The following QTMAN variants were observed in gnomAD, a reference collection of about 807,000 sequenced individuals.
The protein encoded by QTMAN is queuosine-tRNA mannosyltransferase.
At chr2:144,324,451 T>TC in the QTMAN span, among the ~76,000 whole-genome samples, 8 of 151,616 alleles carry the variant, frequency 5.3e-5, no homozygotes, top group South Asian at 2.1e-4. Context: ...AAAAGACTAA[T>TC]CCCCCCCATC....
the QTMAN span, among the ~76,000 whole-genome samples, chr2:144,065,536 T>C: frequency 2.0e-5 from 3 of 152,228 alleles, no homozygotes; most frequent in South Asian, 6.2e-4. Context: ...GCATACTCAG[T>C]TGGCTCTCTT....
At chr2:144,008,574 C>T in the QTMAN span, among the ~76,000 whole-genome samples, 4 of 152,018 alleles carry the variant, frequency 2.6e-5, no homozygotes, top group African/African-American at 9.7e-5. Flanking sequence ...CAAGTCCTTT[C>T]TCAGAGTTCC....
the QTMAN span, among the ~76,000 whole-genome samples, chr2:144,289,553 G>A: frequency 1.1e-4 from 17 of 152,316 alleles, no homozygotes; most frequent in East Asian, 3.1e-3. Flanking sequence ...ATTTACTGGT[G>A]TAAGAAGCAT....
At chr2:144,080,544 T>C in the QTMAN span, among the ~76,000 whole-genome samples, 1 of 152,162 alleles carries the variant, frequency 6.6e-6, no homozygotes, top group African/African-American at 2.4e-5. Context: ...TTTATCAGCA[T>C]TGTTATTATG....
chr2:143,947,997 G>A, the QTMAN span, among the ~76,000 whole-genome samples: 1 of 152,072 alleles, frequency 6.6e-6, no homozygotes, highest in Non-Finnish European at 1.5e-5. Flanking sequence ...GCAGTTGAGA[G>A]CTTTTAGAAG....
the QTMAN span, among the ~76,000 whole-genome samples, chr2:144,222,895 G>A: frequency 6.6e-6 from 1 of 152,126 alleles, no homozygotes; most frequent in East Asian, 1.9e-4. Flanking sequence ...GGACTGATTG[G>A]ATAGTCAACT....
At chr2:144,035,739 C>T in the QTMAN span, among the ~76,000 whole-genome samples, 4 of 152,236 alleles carry the variant, frequency 2.6e-5, no homozygotes, top group East Asian at 5.8e-4. Flanking sequence ...TCCATTTCAA[C>T]AGTTTTGAGA....
the QTMAN span, among the ~76,000 whole-genome samples, chr2:144,012,407 G>A: frequency 2.0e-5 from 3 of 152,162 alleles, no homozygotes; most frequent in Admixed American, 6.5e-5. Context: ...ATGCCACTAA[G>A]ATTGATGGTA....
the QTMAN span, among the ~76,000 whole-genome samples, chr2:143,991,464 C>A: frequency 1.4e-5 from 2 of 147,336 alleles, no homozygotes; most frequent in Admixed American, 1.3e-4. Flanking sequence ...GGCCAGCCGC[C>A]CCGTCCGGGA....
chr2:144,325,621 G>C, the QTMAN span, among the ~76,000 whole-genome samples: 2 of 151,934 alleles, frequency 1.3e-5, no homozygotes, highest in Non-Finnish European at 2.9e-5. Flanking sequence ...ATTTCATTCA[G>C]ATAATTGAAG....
chr2:144,037,860 ACT>A, the QTMAN span, among the ~76,000 whole-genome samples: 10 of 151,912 alleles, frequency 6.6e-5, no homozygotes, highest in Admixed American at 1.3e-4. Context: ...TCTCATTAAA[ACT>A]CTTTTTGCAA....
chr2:144,102,133 T>C, the QTMAN span, among the ~76,000 whole-genome samples: 1 of 152,238 alleles, frequency 6.6e-6, no homozygotes, highest in Non-Finnish European at 1.5e-5. Context: ...GAGCTTGGTC[T>C]TTAAATAAAG....
chr2:144,255,765 A>G, the QTMAN span, among the ~76,000 whole-genome samples: 1 of 152,276 alleles, frequency 6.6e-6, no homozygotes, highest in South Asian at 2.1e-4. Flanking sequence ...GTATGATACC[A>G]CAAGGGTGAA....
the QTMAN span, among the ~76,000 whole-genome samples, chr2:144,137,492 T>C: frequency 2.0e-5 from 3 of 152,112 alleles, no homozygotes; most frequent in African/African-American, 7.2e-5. Flanking sequence ...AGACTGCCTT[T>C]ATCACACCCC....
chr2:144,192,991 G>A, the QTMAN span, among the ~76,000 whole-genome samples: 1 of 151,940 alleles, frequency 6.6e-6, no homozygotes, highest in East Asian at 1.9e-4. Context: ...TTTTCCTTGG[G>A]GCTTAAGCAA....
the QTMAN span, among the ~76,000 whole-genome samples, chr2:144,273,040 C>A: frequency 2.0e-5 from 3 of 152,016 alleles, no homozygotes; most frequent in African/African-American, 7.2e-5. Flanking sequence ...AACATTGAAG[C>A]AACAATCAGA....
At chr2:144,309,241 T>C in the QTMAN span, among the ~76,000 whole-genome samples, 1 of 152,186 alleles carries the variant, frequency 6.6e-6, no homozygotes, top group Non-Finnish European at 1.5e-5. Flanking sequence ...ACTTACCATA[T>C]AAAACAGTAA....
chr2:144,313,941 T>C, the QTMAN span, among the ~76,000 whole-genome samples: 1 of 151,878 alleles, frequency 6.6e-6, no homozygotes, highest in Non-Finnish European at 1.5e-5. Flanking sequence ...CAATGCATGG[T>C]AGAAATGGGT....
the QTMAN span, among the ~76,000 whole-genome samples, chr2:144,089,683 A>G: frequency 1.3e-5 from 2 of 152,046 alleles, no homozygotes; most frequent in African/African-American, 4.8e-5. Flanking sequence ...AAAAAGACAA[A>G]TATTGCATGT....
Sources: gnomAD v4.1 joint callset for allele counts (sites outside exome capture counted in the v4.1 genomes callset) on GRCh38, gnomAD v4.1.1 for gene constraint, MANE v1.5 for transcripts, NCBI Gene and HGNC (gene_info 2026-07-23, HGNC 2026-07-21) for gene names.